CPED1: variants seen among roughly 807,000 people sequenced by gnomAD.
CPED1 encodes the protein cadherin-like and PC-esterase domain-containing protein 1.
Under a neutral mutation model 128.2 loss-of-function variants are expected in CPED1, and 114 were observed. That is an observed-to-expected ratio of 0.89 (90% CI 0.76 to 1.04). The LOEUF (loss-of-function observed/expected upper bound fraction) is 1.04. Among genes scored for constraint, CPED1 ranks in the 50% least tolerant of loss-of-function variants. The probability of loss-of-function intolerance (pLI) is 0.00; values close to 1 mark genes in which losing one functional copy is unlikely to be tolerated. For synonymous variants in CPED1, 462 were observed against 426.7 expected, an observed-to-expected ratio of 1.08 and a Z score of -1.02; for missense variants, 1,211 against 1,207.1, an observed-to-expected ratio of 1.00 and a Z score of -0.05.
At chr7:121,081,763 A>T (rs1472028910) in intron 5 of CPED1, among the ~76,000 whole-genome samples, 2 of 151,638 alleles carry the variant, frequency 1.3e-5, no homozygotes, top group African/African-American at 2.4e-5. Context: ...TTGTGTAGAT[A>T]ATTATGGTGG....
chr7:121,042,906 T>C (rs923475450), intron 3 of CPED1, among the ~76,000 whole-genome samples: 4 of 152,218 alleles, frequency 2.6e-5, no homozygotes, highest in Non-Finnish European at 1.5e-5. Context: ...TATAGAGTTG[T>C]CCTTTTCCCC....
At chr7:121,057,325 A>G (rs1488510780) in intron 4 of CPED1, among the ~76,000 whole-genome samples, 1 of 152,096 alleles carries the variant, frequency 6.6e-6, no homozygotes, top group African/African-American at 2.4e-5. Flanking sequence ...TCAGGAGTAC[A>G]TGTGTAGTTT....
intron 16 of CPED1, among the ~76,000 whole-genome samples, chr7:121,170,438 T>C (rs1210254153): frequency 2.0e-5 from 3 of 152,088 alleles, no homozygotes; most frequent in Non-Finnish European, 4.4e-5. Context: ...GTCTTTTGAT[T>C]CACTACAAAT....
At chr7:121,211,710 G>A (rs186494650) in intron 16 of CPED1, among the ~76,000 whole-genome samples, 2 of 152,198 alleles carry the variant, frequency 1.3e-5, no homozygotes, top group Admixed American at 6.6e-5. Flanking sequence ...GCAACCTGGA[G>A]TAGAGTCACA....
At chr7:121,246,778 C>T (rs1234706712) in intron 18 of CPED1, among the ~76,000 whole-genome samples, 1 of 152,020 alleles carries the variant, frequency 6.6e-6, no homozygotes, top group Non-Finnish European at 1.5e-5. Context: ...GATCATTGTT[C>T]ATACCTGTTA....
At chr7:120,995,973 CTT>C (rs1796396623) in intron 2 of CPED1, among the ~76,000 whole-genome samples, 3 of 93,184 alleles carry the variant, frequency 3.2e-5, no homozygotes, top group African/African-American at 1.3e-4. Flanking sequence ...CCTCCTCCTT[CTT>C]CTTCTTCTTC....
chr7:121,170,120 C>T (rs1205106421), intron 16 of CPED1, among the ~76,000 whole-genome samples: 1 of 152,158 alleles, frequency 6.6e-6, no homozygotes, highest in Non-Finnish European at 1.5e-5. Context: ...GGTCGATAGC[C>T]AGTGAGTGTT....
chr7:121,110,231 A>G (rs935015204), intron 7 of CPED1, among the ~76,000 whole-genome samples: 2 of 152,144 alleles, frequency 1.3e-5, no homozygotes, highest in Non-Finnish European at 2.9e-5. Context: ...TACCTCTTAT[A>G]TGCTAGATGT....
chr7:121,176,457 C>T (rs548179349), intron 16 of CPED1, among the ~76,000 whole-genome samples: 1 of 151,146 alleles, frequency 6.6e-6, no homozygotes, highest in South Asian at 2.1e-4. Context: ...AAAAAAAACA[C>T]AGTTGGAATA....
intron 11 of CPED1, among the ~76,000 whole-genome samples, chr7:121,129,305 A>ACACG (rs1324384087): frequency 6.2e-3 from 35 of 5,628 alleles, no homozygotes; most frequent in Admixed American, 0.054. Flanking sequence ...ATATATATAT[A>ACACG]TATATACGTA....
rs552721012 is a variant in CPED1 at position 121,189,190 on chromosome 7, T to C, written c.2055+47049T>C. Among the ~76,000 whole-genome samples, 4 of 152,270 alleles carry C rather than the reference T, an allele frequency of 2.6e-5. No individual in the cohort carries two copies. In the East Asian group the frequency reaches 5.8e-4, roughly 22 times the overall value. Reference sequence around the variant, plus strand: ...TTCATTTATGAAGATGAAGGATACTTTGAAGCCAGTATGAAAAAGTCCTGT... The same window carrying C: ...TTCATTTATGAAGATGAAGGATACTCTGAAGCCAGTATGAAAAAGTCCTGT... On this transcript the variant is annotated intron_variant, in intron 16 of 22. Transcript: ENST00000310396.
At chr7:121,209,039 G>GT (rs1395918718) in intron 16 of CPED1, among the ~76,000 whole-genome samples, 2 of 152,040 alleles carry the variant, frequency 1.3e-5, no homozygotes, top group Non-Finnish European at 2.9e-5. Context: ...TCCAAGGAAT[G>GT]ATTTTGTTGT....
At chr7:121,042,324 C>A (rs551030081) in intron 3 of CPED1, among the ~76,000 whole-genome samples, 25 of 152,140 alleles carry the variant, frequency 1.6e-4, no homozygotes, top group Admixed American at 1.4e-3. Flanking sequence ...TCTAGGGATA[C>A]CTGAGTTATA....
intron 16 of CPED1, among the ~76,000 whole-genome samples, chr7:121,203,469 CAGAT>C (rs1169862193): frequency 6.6e-6 from 1 of 152,120 alleles, no homozygotes; most frequent in Non-Finnish European, 1.5e-5. Context: ...TCTCTGTCAA[CAGAT>C]AGACCCGTCA....
chr7:121,180,428 T>G (rs1198688671), intron 16 of CPED1, among the ~76,000 whole-genome samples: 1 of 152,106 alleles, frequency 6.6e-6, no homozygotes, highest in East Asian at 1.9e-4. Flanking sequence ...AAAAAAATTC[T>G]GAGGCTCTTA....
At chr7:121,044,524 T>C (rs1398188721) in intron 3 of CPED1, among the ~76,000 whole-genome samples, 1 of 151,958 alleles carries the variant, frequency 6.6e-6, no homozygotes, top group South Asian at 2.1e-4. Flanking sequence ...CTTTGAGGGA[T>C]GAGGTGGTCA....
intron 4 of CPED1, among the ~76,000 whole-genome samples, chr7:121,059,539 A>G (rs757846605): frequency 3.3e-5 from 5 of 152,076 alleles, no homozygotes; most frequent in Non-Finnish European, 5.9e-5. Flanking sequence ...CAGGAACAAT[A>G]AAAAAAATCA....
At chr7:121,122,713 C>T (rs545066576) in intron 7 of CPED1, among the ~76,000 whole-genome samples, 2 of 152,278 alleles carry the variant, frequency 1.3e-5, no homozygotes, top group African/African-American at 2.4e-5. Context: ...CTAAAGGCTA[C>T]AGTTCTCTAA....
intron 2 of CPED1, among the ~76,000 whole-genome samples, chr7:121,007,915 G>A (rs1050713094): frequency 6.6e-6 from 1 of 151,972 alleles, no homozygotes; most frequent in African/African-American, 2.4e-5. Flanking sequence ...GCCTCCTTAG[G>A]GCAGGTCTCA....
Sources: allele counts gnomAD v4.1 joint callset (sites outside exome capture counted in the v4.1 genomes callset), GRCh38; gene constraint gnomAD v4.1.1; transcripts MANE v1.5; gene names NCBI Gene and HGNC (gene_info 2026-07-23, HGNC 2026-07-21).